CHCHD3: variants seen among roughly 807,000 people sequenced by gnomAD.
CHCHD3 encodes the protein coiled-coil-helix-coiled-coil-helix domain containing 3.
CHCHD3 carries 20 observed loss-of-function variants against 38.2 expected under a neutral mutation model. The ratio of observed to expected loss-of-function variants is 0.52; its 90% CI spans 0.37 to 0.76. The LOEUF (loss-of-function observed/expected upper bound fraction) is 0.76, where lower values mean the gene tolerates loss of function less well. CHCHD3 is among the 30% of genes least tolerant of loss of function. CHCHD3 has a pLI of 0.00. For synonymous variants in CHCHD3, 82 were observed against 100.0 expected (o/e 0.82, Z 1.07); for missense variants, 245 against 279.2 (o/e 0.88, Z 0.87).
chr7:132,957,537 C>T (rs1811212289), intron 4 of CHCHD3, among the ~76,000 whole-genome samples: 2 of 152,086 alleles, frequency 1.3e-5, no homozygotes, highest in Non-Finnish European at 2.9e-5. Context: ...GGCTGCAGTG[C>T]AGTGCCACGA....
intron 6 of CHCHD3, among the ~76,000 whole-genome samples, chr7:132,802,561 T>C (rs1806819960): frequency 6.6e-6 from 1 of 152,140 alleles, no homozygotes; most frequent in African/African-American, 2.4e-5. Context: ...GTGGAAGGAT[T>C]TGGGAAGTCA....
rs1330267950 is a variant in CHCHD3 at position 132,785,401 on chromosome 7, G to A, written c.*236C>T. On this transcript the variant is annotated 3_prime_UTR_variant, in exon 8 of 8. Coordinates refer to ENST00000262570, the MANE Select transcript of CHCHD3 (RefSeq NM_017812.4). Reference sequence around the variant, plus strand: ...CCTTCTCTTTTAATCATCATAAGAGGGTTTACTAATACTCAAGAGTGTCCT... The same window carrying A: ...CCTTCTCTTTTAATCATCATAAGAGAGTTTACTAATACTCAAGAGTGTCCT... The A allele has an allele frequency of 5.2e-5, 30 of 577,594 alleles. No homozygotes were observed. The highest frequency in any genetic ancestry group is 2.2e-4 in the Admixed American group (7 of 31,794). The allele number at this position is 577,594 out of a possible 1,614,324, so 35.8% of individuals were successfully genotyped here.
chr7:132,966,459 A>T (rs758284548), intron 4 of CHCHD3, among the ~76,000 whole-genome samples: 12 of 152,372 alleles, frequency 7.9e-5, no homozygotes, highest in Admixed American at 2.6e-4. Flanking sequence ...CAATAAAAGC[A>T]CGGATACAGA....
At chr7:132,786,653 C>T (rs1806327423) in intron 7 of CHCHD3, among the ~76,000 whole-genome samples, 1 of 152,120 alleles carries the variant, frequency 6.6e-6, no homozygotes, top group Non-Finnish European at 1.5e-5. Context: ...CCATTCCCAC[C>T]TGCCTCCCGC....
chr7:133,024,020 G>C (rs946428949), intron 3 of CHCHD3, among the ~76,000 whole-genome samples: 2 of 152,168 alleles, frequency 1.3e-5, no homozygotes, highest in Non-Finnish European at 2.9e-5. Flanking sequence ...GCAATAAAAT[G>C]TTAAAAAGTG....
Position 132,814,537 on chromosome 7 carries a change from G to A in CHCHD3, c.525-17960C>T, listed in dbSNP as rs1807151051. ...GAATGGGGAAGAAGATGGACTAGGAGGATTCTCCTTTCTATAAATGCACCA... is the reference window on the plus strand; with the variant it reads ...GAATGGGGAAGAAGATGGACTAGGAAGATTCTCCTTTCTATAAATGCACCA... On this transcript the variant is annotated intron_variant, in intron 6 of 7. Transcript: ENST00000262570. Among the ~76,000 whole-genome samples the A allele has an allele frequency of 2.0e-5, 3 of 152,166 alleles. No individual in the cohort carries two copies. In the South Asian group the frequency reaches 6.2e-4, roughly 32 times the overall value.
At chr7:132,937,262 T>C (rs906728851) in intron 4 of CHCHD3, among the ~76,000 whole-genome samples, 4 of 152,154 alleles carry the variant, frequency 2.6e-5, no homozygotes, top group African/African-American at 7.2e-5. Flanking sequence ...GAACTGGACA[T>C]AGAAAGATTT....
At chr7:133,038,018 A>G (rs930175057) in intron 2 of CHCHD3, among the ~76,000 whole-genome samples, 7 of 152,324 alleles carry the variant, frequency 4.6e-5, no homozygotes, top group Admixed American at 3.9e-4. Context: ...TTTAAAAAAC[A>G]CCTTTATCAA....
intron 4 of CHCHD3, 100 bp downstream of exon 4, chr7:132,975,069 A>G (rs894109453): frequency 1.1e-6 from 1 of 907,370 alleles, no homozygotes; most frequent in Non-Finnish European, 1.8e-6. Flanking sequence ...CATGAATAAT[A>G]TTATCAACAC....
At chr7:132,898,579 G>T (rs1452375611) in intron 4 of CHCHD3, among the ~76,000 whole-genome samples, 1 of 152,242 alleles carries the variant, frequency 6.6e-6, no homozygotes, top group Non-Finnish European at 1.5e-5. Context: ...AGGTGGAGTT[G>T]CCTGCCAGTC....
chr7:133,058,297 G>A (rs1814401378), intron 2 of CHCHD3, among the ~76,000 whole-genome samples: 1 of 151,606 alleles, frequency 6.6e-6, no homozygotes, highest in South Asian at 2.1e-4. Flanking sequence ...TGGAGTGCAG[G>A]GATGCAAACA....
At chr7:132,872,267 T>G (rs899571465) in intron 5 of CHCHD3, among the ~76,000 whole-genome samples, 19 of 152,164 alleles carry the variant, frequency 1.2e-4, no homozygotes, top group Non-Finnish European at 2.4e-4. Flanking sequence ...ACAGTAAACT[T>G]GTGTGACTAA....
In CHCHD3 at chr7:132,975,623, TTAAG is replaced by T. The variant is rs1340902853; in HGVS notation, c.252-341_252-338del. 2.0e-5 allele frequency among the ~76,000 whole-genome samples: 3 copies of T among 152,074 alleles called. 1 individual carries two copies. The highest frequency in any genetic ancestry group is 2.0e-4 in the Admixed American group (3 of 15,258). On this transcript the variant is annotated intron_variant, in intron 3 of 7. Transcript: ENST00000262570. ...GTGCTTCCATTTGGCCTCTGAAAAT[TTAAG>T]TAATTAACAAACCATCTAGGCCAGG...
intron 3 of CHCHD3, among the ~76,000 whole-genome samples, chr7:132,993,705 T>G (rs1812341189): frequency 6.6e-6 from 1 of 152,192 alleles, no homozygotes; most frequent in African/African-American, 2.4e-5. Flanking sequence ...TAAGAAAACC[T>G]GGAGAAAGTC....
chr7:133,032,194 A>G (rs1048314680), intron 2 of CHCHD3, among the ~76,000 whole-genome samples: 1 of 152,200 alleles, frequency 6.6e-6, no homozygotes, highest in Non-Finnish European at 1.5e-5. Context: ...AATAAACCTG[A>G]TTTAAACCAG....
intron 4 of CHCHD3, among the ~76,000 whole-genome samples, chr7:132,934,858 C>T (rs1264811151): frequency 6.6e-6 from 1 of 152,182 alleles, no homozygotes; most frequent in Non-Finnish European, 1.5e-5. Context: ...GACTATTCTG[C>T]ATCTTCTCAA....
intron 5 of CHCHD3, among the ~76,000 whole-genome samples, chr7:132,839,929 CAG>C (rs1387976485): frequency 2.0e-5 from 3 of 152,192 alleles, no homozygotes. Flanking sequence ...TAAAGATGAA[CAG>C]AACAGTTGTA....
intron 3 of CHCHD3, among the ~76,000 whole-genome samples, chr7:133,010,408 T>C (rs932175139): frequency 5.3e-5 from 8 of 152,194 alleles, no homozygotes; most frequent in African/African-American, 1.9e-4. Flanking sequence ...TGGACAATCA[T>C]TAAATGGCAG....
At chr7:132,806,413 A>G (rs1806922537) in intron 6 of CHCHD3, among the ~76,000 whole-genome samples, 1 of 152,180 alleles carries the variant, frequency 6.6e-6, no homozygotes, top group South Asian at 2.1e-4. Context: ...CAAGAGACTG[A>G]GTCAGGCAGA....
Sources: allele counts gnomAD v4.1 joint callset (sites outside exome capture counted in the v4.1 genomes callset), GRCh38; gene constraint gnomAD v4.1.1; transcripts MANE v1.5; gene names NCBI Gene and HGNC (gene_info 2026-07-23, HGNC 2026-07-21).